HERC1: variants seen among roughly 807,000 people sequenced by gnomAD.
The protein encoded by HERC1 is probable E3 ubiquitin-protein ligase HERC1.
HERC1 carries 160 observed loss-of-function variants against 554.3 expected under a neutral mutation model. The observed-to-expected ratio is 0.29, with a 90% CI of 0.25 to 0.33. The LOEUF is 0.33. HERC1 is among the 10% of genes least tolerant of loss of function. HERC1 has a pLI of 1.00. For missense variants in HERC1, 4,919 were observed against 5,918.5 expected (o/e 0.83, Z 5.54); for synonymous variants, 2,175 against 2,131.7 (o/e 1.02, Z -0.56).
At position 63,680,808 on chromosome 15, in the gene HERC1, CA is replaced by C. The variant is rs1425017090; in HGVS notation, c.6226-33del. The C allele has an allele frequency of 6.7e-7, 1 of 1,496,076 alleles. No homozygotes were observed. Among genetic ancestry groups the C allele is most frequent in the Non-Finnish European group, 9.3e-7 (1 of 1,074,604 alleles). The allele number at this position is 1,496,076 out of a possible 1,614,324, so 92.7% of individuals were successfully genotyped here. On this transcript the variant is annotated intron_variant, in intron 34 of 77. Coordinates refer to ENST00000443617, the MANE Select transcript of HERC1 (RefSeq NM_003922.4). This position sits in a 1 kb window ranked among gnomAD's most constrained non-coding sequence, Gnocchi z 5.8. ...TAAAAGTGGGATATTCATTAATACT[CA>C]AAAAATCTATTTATATACTATTAAC...
intron 33 of HERC1, among the ~76,000 whole-genome samples, chr15:63,689,158 A>G (rs904576074): frequency 6.6e-6 from 1 of 152,238 alleles, no homozygotes; most frequent in Non-Finnish European, 1.5e-5. Flanking sequence ...TTTTGAAAAT[A>G]ACAAAAGGCT....
In HERC1 at chr15:63,725,295, A is replaced by G. The variant is rs2228519; in HGVS notation, c.3565T>C (p.Leu1189=). ...SDGVEMDTPQ[L]DKCMSCLLEV... ...ATGCTGCAGAGAAGCACATTACCCA[A>G]TTGAGGAGTGTCCATTTCTACACCG... The change falls in exon 18 of 78, where the codon TTG becomes CTG. Residue 1189 remains leucine (L), a synonymous_variant. Coordinates refer to ENST00000443617, the MANE Select transcript of HERC1 (RefSeq NM_003922.4). 1,847 of 1,613,086 alleles carry G rather than the reference A, an allele frequency of 1.1e-3. 22 individuals are homozygous for G. In the African/African-American group the frequency reaches 0.021, roughly 18 times the overall value.
At chr15:63,615,120 G>A (rs1192655223) in intron 76 of HERC1, among the ~76,000 whole-genome samples, 1 of 152,190 alleles carries the variant, frequency 6.6e-6, no homozygotes, top group Non-Finnish European at 1.5e-5. Context: ...AACTAGAGTG[G>A]AGACGCTGAG....
chr15:63,610,015 G>T (rs1254441227), intron 77 of HERC1, among the ~76,000 whole-genome samples: 2 of 152,056 alleles, frequency 1.3e-5, no homozygotes, highest in Non-Finnish European at 2.9e-5. Flanking sequence ...GCTACTACTG[G>T]AGAGACAGGA....
rs1472212115 is a variant in HERC1 at position 63,762,990 on chromosome 15, A to G, written c.1026+1106T>C. Among the ~76,000 whole-genome samples the G allele has an allele frequency of 2.6e-5, 4 of 152,160 alleles. No individual in the cohort carries two copies. In the East Asian group the frequency reaches 7.7e-4, roughly 29 times the overall value. On this transcript the variant is annotated intron_variant, in intron 3 of 77. Transcript: ENST00000443617. Reference sequence around the variant, plus strand: ...TGCTAAACCATCACAGCTGTAGACCATGCGCCTGCCCTTTTGACCTCCACA... The same window carrying G: ...TGCTAAACCATCACAGCTGTAGACCGTGCGCCTGCCCTTTTGACCTCCACA...
At chr15:63,610,332 G>C (rs563752152) in intron 77 of HERC1, among the ~76,000 whole-genome samples, 1 of 152,256 alleles carries the variant, frequency 6.6e-6, no homozygotes, top group Non-Finnish European at 1.5e-5. Context: ...GTGCCACTAG[G>C]TGGCTCTGAT....
intron 74 of HERC1, among the ~76,000 whole-genome samples, chr15:63,618,915 T>C (rs1242082653): frequency 1.3e-5 from 2 of 152,336 alleles, no homozygotes; most frequent in Middle Eastern, 3.4e-3. Context: ...TGGGGTTTTC[T>C]AGATATACAA....
Position 63,641,477 on chromosome 15 carries a change from T to A in HERC1, c.11600A>T (p.Tyr3867Phe). 1 of 1,610,914 alleles carries A rather than the reference T, an allele frequency of 6.2e-7. No individual in the cohort carries two copies. Among genetic ancestry groups the A allele is most frequent in the Non-Finnish European group, 8.5e-7 (1 of 1,178,052 alleles). Residue 3867 changes from tyrosine (Y) to phenylalanine (F), a missense_variant, in exon 60 of 78, where the codon TAT becomes TTT. This residue lies in a region of HERC1 where 1,963 missense variants were observed against 2,228.6 expected (regional missense o/e 0.88). Coordinates refer to ENST00000443617, the MANE Select transcript of HERC1 (RefSeq NM_003922.4). ...LPMMLQEQYA[Y>F]EKPHVVCGDQ... is the part of the protein sequence containing the mutation. ...GTGAGTGTAATGAGTTACCTTTTCA[T>A]AGGCATACTGCTCCTGAAGCATCAT...
rs114059611 is a variant in HERC1, at chr15:63,806,750, T to C, written c.-27+27077A>G. 8.3e-3 allele frequency among the ~76,000 whole-genome samples: 1,268 copies of C among 152,318 alleles called. 25 individuals carry two copies. The highest frequency in any genetic ancestry group is 0.029 in the African/African-American group (1,213 of 41,570). ...TGCATTCTGCCTTTGTTGTTGTAAG[T>C]TGGAACTCTGCCCAGAGAGAGATTG... On this transcript the variant is annotated intron_variant, in intron 1 of 77. Transcript: ENST00000443617.
rs1596042170 is a variant in HERC1, at chr15:63,712,991, A to G, written c.4464-96T>C. On this transcript the variant is annotated intron_variant, in intron 23 of 77. Coordinates refer to ENST00000443617, the MANE Select transcript of HERC1 (RefSeq NM_003922.4). ...TGGAGCACAGAGATAATATACACAC[A>G]CAGGGAGGAGTAATGTCAGTTGACA... 12 of 1,158,006 alleles carry G rather than the reference A, an allele frequency of 1.0e-5. No homozygotes were observed. The East Asian group carries it at 3.1e-4, about 29-fold the overall frequency. 71.7% of individuals were successfully genotyped at this position (1,158,006 alleles called of 1,614,324 possible).
In HERC1 at chr15:63,754,487, A is replaced by T. The variant is rs1191080637; in HGVS notation, c.1774+18T>A. ...CAAGAAAAAAGCCAAAGCTACTGAT[A>T]AATAATTTTTTACATACCATTGTCT... On this transcript the variant is annotated intron_variant, in intron 7 of 77. Transcript: ENST00000443617. The T allele has an allele frequency of 6.5e-6, 10 of 1,548,992 alleles. No individual in the cohort carries two copies. Among genetic ancestry groups the T allele is most frequent in the Non-Finnish European group, 8.7e-6 (10 of 1,150,098 alleles).
At chr15:63,649,345 C>A (rs141841722) in intron 54 of HERC1, among the ~76,000 whole-genome samples, 5 of 149,352 alleles carry the variant, frequency 3.3e-5, no homozygotes, top group Non-Finnish European at 7.5e-5. Flanking sequence ...GAGCGAGACT[C>A]CTTCTCAAAA....
chr15:63,818,262 C>T (rs1459915572), intron 1 of HERC1, among the ~76,000 whole-genome samples: 2 of 151,984 alleles, frequency 1.3e-5, no homozygotes, highest in African/African-American at 4.8e-5. Flanking sequence ...GTCCTATGGG[C>T]CTATGGTACT....
At chr15:63,822,505 G>A (rs534503048) in intron 1 of HERC1, among the ~76,000 whole-genome samples, 98 of 151,854 alleles carry the variant, frequency 6.5e-4, no homozygotes, top group Middle Eastern at 3.4e-3. Flanking sequence ...ATAATCGCTT[G>A]AACTCAGGAG....
intron 74 of HERC1, among the ~76,000 whole-genome samples, chr15:63,619,148 T>A (rs1426752845): frequency 6.6e-6 from 1 of 152,220 alleles, no homozygotes; most frequent in East Asian, 1.9e-4. Context: ...TAGATAGCTC[T>A]TACTATTTTG....
At chr15:63,740,927 G>C (rs1439189225) in intron 12 of HERC1, among the ~76,000 whole-genome samples, 1 of 151,950 alleles carries the variant, frequency 6.6e-6, no homozygotes, top group Non-Finnish European at 1.5e-5. Context: ...TAATTTTGAT[G>C]ATGTCCAATT....
At chr15:63,622,326 C>CTTTTTTTTT (rs35490295) in intron 74 of HERC1, among the ~76,000 whole-genome samples, 1 of 117,592 alleles carries the variant, frequency 8.5e-6, no homozygotes. Context: ...TGCCTGTTTC[C>CTTTTTTTTT]TTTTTTTTTT....
chr15:63,749,849 T>A lies in HERC1; in HGVS notation c.1903-58A>T, dbSNP rs1357640444. 15 of 1,377,824 alleles carry A rather than the reference T, an allele frequency of 1.1e-5. No homozygotes were observed. Among genetic ancestry groups the A allele is most frequent in the Non-Finnish European group, 1.5e-5 (15 of 1,033,298 alleles). The allele number at this position is 1,377,824 out of a possible 1,614,324, so 85.3% of individuals were successfully genotyped here. A position where few individuals can be genotyped will look rare whatever the true frequency, so the allele number is the denominator to read the frequency against. On this transcript the variant is annotated intron_variant, in intron 8 of 77. Coordinates refer to ENST00000443617, the MANE Select transcript of HERC1 (RefSeq NM_003922.4). This position sits in a 1 kb window ranked among gnomAD's most constrained non-coding sequence, Gnocchi z 4.1. ...TCCTGAGATGATTAGATTGTTGGCT[T>A]TAGGGATAAATGAAATCTATGAAAC...
chr15:63,647,719 C>A (rs2069432022), intron 55 of HERC1, among the ~76,000 whole-genome samples: 1 of 152,006 alleles, frequency 6.6e-6, no homozygotes, highest in South Asian at 2.1e-4. Context: ...GAACTGAAGC[C>A]CATTATCTTA....
Sources: gnomAD v4.1 joint callset for allele counts (sites outside exome capture counted in the v4.1 genomes callset) on GRCh38, gnomAD v4.1.1 for gene constraint, gnomAD v4.1.1 regional missense constraint, Gnocchi (gnomAD v3.1) non-coding constraint, MANE v1.5 for transcripts, NCBI Gene and HGNC (gene_info 2026-07-23, HGNC 2026-07-21) for gene names.